SIPA1L3: variants seen among roughly 807,000 people sequenced by gnomAD.
The protein encoded by SIPA1L3 is signal-induced proliferation-associated 1-like protein 3.
SIPA1L3 carries 59 observed loss-of-function variants against 150.1 expected under a neutral mutation model. The observed-to-expected ratio is 0.39, with a 90% CI of 0.32 to 0.49. The LOEUF is 0.49. SIPA1L3 is among the 20% of genes least tolerant of loss of function. The probability of loss-of-function intolerance (pLI) is 0.86; values close to 1 mark genes in which losing one functional copy is unlikely to be tolerated. For missense variants in SIPA1L3, 2,211 were observed against 2,489.5 expected (o/e 0.89, Z 2.38); for synonymous variants, 1,070 against 1,077.6 (o/e 0.99, Z 0.14).
At chr19:38,120,833 G>A (rs1360140092) in intron 9 of SIPA1L3, among the ~76,000 whole-genome samples, 1 of 152,264 alleles carries the variant, frequency 6.6e-6, no homozygotes, top group Non-Finnish European at 1.5e-5. Flanking sequence ...AAAGAACACT[G>A]TGGTCAGTGA....
chr19:38,148,244 G>A (rs931807119), intron 12 of SIPA1L3, among the ~76,000 whole-genome samples: 58 of 151,734 alleles, frequency 3.8e-4, no homozygotes, highest in Admixed American at 2.2e-3. Context: ...CCAGCTACTC[G>A]GGAGGCTGAG....
At chr19:38,140,929 T>G (rs547627226) in intron 10 of SIPA1L3, among the ~76,000 whole-genome samples, 1 of 151,872 alleles carries the variant, frequency 6.6e-6, no homozygotes, top group Admixed American at 6.6e-5. Flanking sequence ...GTAGTGGCGC[T>G]TGCCTGTAGT....
chr19:38,049,855 G>A (rs1315804277), intron 2 of SIPA1L3, among the ~76,000 whole-genome samples: 1 of 151,924 alleles, frequency 6.6e-6, no homozygotes, highest in Non-Finnish European at 1.5e-5. Flanking sequence ...TCACCAATCC[G>A]AAGGGTGTCA....
Position 38,082,348 on chromosome 19 carries a change from C to T in SIPA1L3, c.783C>T (p.Ser261=). The T allele has an allele frequency of 6.3e-7, 1 of 1,598,180 alleles. No homozygotes were observed. Among genetic ancestry groups the T allele is most frequent in the South Asian group, 1.1e-5 (1 of 90,840 alleles). The part of the protein sequence containing the change: ...MGGGGGAKGD[S]HNGQPAKDSL... ...GCGGCGGCGGAGCCAAGGGGGACTCCCACAACGGGCAGCCCGCCAAGGACA... is the reference window on the plus strand; with the variant it reads ...GCGGCGGCGGAGCCAAGGGGGACTCTCACAACGGGCAGCCCGCCAAGGACA... The change falls in exon 3 of 22, where the codon TCC becomes TCT. Residue 261 remains serine (S), a synonymous_variant. Transcript: ENST00000222345.
At chr19:38,029,433 G>C (rs1031396533) in intron 2 of SIPA1L3, among the ~76,000 whole-genome samples, 1 of 152,170 alleles carries the variant, frequency 6.6e-6, no homozygotes, top group Non-Finnish European at 1.5e-5. Flanking sequence ...AGGCTATGCA[G>C]TGCTTCTTGG....
intron 2 of SIPA1L3, among the ~76,000 whole-genome samples, chr19:38,057,203 G>A (rs1449981315): frequency 6.6e-6 from 1 of 151,816 alleles, no homozygotes; most frequent in Non-Finnish European, 1.5e-5. Flanking sequence ...CCCAGGAAGC[G>A]GACGTTGCAG....
chr19:38,182,630 C>G lies in SIPA1L3; in HGVS notation c.4320C>G (p.Ser1440=), dbSNP rs145977719. 35 of 1,614,186 alleles carry G rather than the reference C, an allele frequency of 2.2e-5. No individual in the cohort carries two copies. Among genetic ancestry groups the G allele is most frequent in the Non-Finnish European group, 2.9e-5 (34 of 1,180,006 alleles). The change falls in exon 16 of 22, where the codon TCC becomes TCG. Residue 1440 remains serine (S), a synonymous_variant. Transcript: ENST00000222345. The part of the protein sequence containing the change: ...AQPSPFQLSA[S]VPKSFFSKQP... ...CCAGCCCCTTTCAGCTCTCCGCCTC[C>G]GTCCCCAAGTCCTTCTTCTCCAAGC...
intron 1 of SIPA1L3, among the ~76,000 whole-genome samples, chr19:37,966,549 C>T (rs1026393226): frequency 2.6e-5 from 4 of 152,154 alleles, no homozygotes; most frequent in Non-Finnish European, 2.9e-5. Context: ...CCCTCTGCAC[C>T]GTCCATCTGG....
At position 38,164,909 on chromosome 19, in the gene SIPA1L3, A is replaced by G. The variant is rs775193869; in HGVS notation, c.4208+3A>G. 42 of 1,531,812 alleles carry G rather than the reference A, an allele frequency of 2.7e-5. No individual in the cohort carries two copies. The East Asian group carries it at 9.1e-4, about 33-fold the overall frequency. 94.9% of individuals were successfully genotyped at this position (1,531,812 alleles called of 1,614,324 possible). A position where few individuals can be genotyped will look rare whatever the true frequency, so the allele number is the denominator to read the frequency against. On this transcript the variant is annotated splice_donor_region_variant and intron_variant, in intron 15 of 21. Transcript: ENST00000222345. This position sits in a 1 kb window ranked among gnomAD's most constrained non-coding sequence, Gnocchi z 4.1. ...CGAGACCCACCGAGGCAGCCCAGGT[A>G]AGCTGTTGCACCTAGTCTGGGTTCT...
intron 1 of SIPA1L3, chr19:37,908,047 G>C (rs758263266): frequency 1.3e-5 from 2 of 152,200 alleles, no homozygotes; most frequent in African/African-American, 2.4e-5. Flanking sequence ...CCACTTCGTC[G>C]AGTTGTTTTC....
At chr19:38,201,453 G>A (rs375371905) in intron 19 of SIPA1L3, among the ~76,000 whole-genome samples, 41 of 152,134 alleles carry the variant, frequency 2.7e-4, no homozygotes, top group Non-Finnish European at 5.0e-4. Flanking sequence ...ATTGTATAAC[G>A]AATCCCCGTG....
intron 1 of SIPA1L3, among the ~76,000 whole-genome samples, chr19:38,006,645 C>T (rs1177039537): frequency 1.3e-5 from 2 of 152,164 alleles, no homozygotes; most frequent in African/African-American, 4.8e-5. Context: ...ACAAGGCGTG[C>T]GCACATGCTG....
chr19:37,916,107 A>C (rs532065455), intron 1 of SIPA1L3, among the ~76,000 whole-genome samples: 2 of 151,948 alleles, frequency 1.3e-5, no homozygotes, highest in Non-Finnish European at 2.9e-5. Context: ...GCTCACTGCA[A>C]CCTCTGCCTC....
At chr19:38,202,735 C>T (rs1973116654) in intron 20 of SIPA1L3, among the ~76,000 whole-genome samples, 1 of 152,220 alleles carries the variant, frequency 6.6e-6, no homozygotes, top group African/African-American at 2.4e-5. Flanking sequence ...TCACAGACTT[C>T]TGCCTCACGC....
intron 1 of SIPA1L3, among the ~76,000 whole-genome samples, chr19:38,002,331 A>G (rs1333584577): frequency 5.3e-5 from 8 of 152,102 alleles, no homozygotes; most frequent in Non-Finnish European, 1.2e-4. Context: ...TTTATTTAGT[A>G]TCATGTCTTT....
Position 38,049,047 on chromosome 19 carries a change from A to G in SIPA1L3, c.-311+19891A>G, listed in dbSNP as rs539453915. 2.7e-5 allele frequency among the ~76,000 whole-genome samples: 4 copies of G among 148,750 alleles called. No individual in the cohort carries two copies. In the East Asian group the frequency reaches 8.1e-4, roughly 30 times the overall value. On this transcript the variant is annotated intron_variant, in intron 2 of 21. Transcript: ENST00000222345. Reference sequence around the variant, plus strand: ...CAGTGAGCTGAGATTGCGCCACTGCACTCCAGCCTGGGCGACAGGGCGAGA... The same window carrying G: ...CAGTGAGCTGAGATTGCGCCACTGCGCTCCAGCCTGGGCGACAGGGCGAGA...
intron 9 of SIPA1L3, among the ~76,000 whole-genome samples, chr19:38,121,377 G>A (rs1971014377): frequency 6.6e-6 from 1 of 151,852 alleles, no homozygotes; most frequent in Non-Finnish European, 1.5e-5. Context: ...GGCGAGGCTT[G>A]CAGTGAGCTG....
chr19:37,944,506 AT>A (rs2046691996), intron 1 of SIPA1L3, among the ~76,000 whole-genome samples: 2 of 152,228 alleles, frequency 1.3e-5, no homozygotes, highest in Middle Eastern at 3.4e-3. Flanking sequence ...TGATTTCTCC[AT>A]CTTTAAAATG....
chr19:37,957,255 T>C (rs1445419105), intron 1 of SIPA1L3, among the ~76,000 whole-genome samples: 1 of 152,252 alleles, frequency 6.6e-6, no homozygotes, highest in Non-Finnish European at 1.5e-5. Flanking sequence ...TGTTTTGGCT[T>C]GTGTGGGTCC....
Sources: gnomAD v4.1 joint callset for allele counts (sites outside exome capture counted in the v4.1 genomes callset) on GRCh38, gnomAD v4.1.1 for gene constraint, Gnocchi (gnomAD v3.1) non-coding constraint, MANE v1.5 for transcripts, NCBI Gene and HGNC (gene_info 2026-07-23, HGNC 2026-07-21) for gene names.